IGFL2: variants seen among roughly 807,000 people sequenced by gnomAD.
IGFL2 encodes the protein insulin growth factor-like family member 2.
In IGFL2, 7 loss-of-function variants were observed where a neutral mutation model predicts 13.9. That is an observed-to-expected ratio of 0.51 (90% CI 0.29 to 0.95). IGFL2 has a LOEUF of 0.95. Among genes scored for constraint, IGFL2 ranks in the 40% least tolerant of loss-of-function variants. The pLI is 0.08. For synonymous variants in IGFL2, 55 were observed against 55.8 expected (o/e 0.99, Z 0.07); for missense variants, 138 against 147.8 (o/e 0.93, Z 0.34).
the IGFL2 span, among the ~76,000 whole-genome samples, chr19:46,119,411 C>T: frequency 1.3e-5 from 2 of 152,160 alleles, no homozygotes; most frequent in Non-Finnish European, 2.9e-5. Flanking sequence ...CAGGGATCAT[C>T]GTTCCCACTG....
At chr19:46,141,386 C>G (rs1182562253), upstream of IGFL2, among the ~76,000 whole-genome samples, 1 of 152,130 alleles carries the variant, frequency 6.6e-6, no homozygotes, top group Non-Finnish European at 1.5e-5. Context: ...TGGGAAGACA[C>G]GCCAGGATCA....
chr19:46,115,966 G>C, the IGFL2 span, among the ~76,000 whole-genome samples: 1 of 152,140 alleles, frequency 6.6e-6, no homozygotes, highest in African/African-American at 2.4e-5. Context: ...CCTGTGTGAA[G>C]GGGCTGCCAC....
At chr19:46,099,594 T>C in the IGFL2 span, among the ~76,000 whole-genome samples, 1 of 151,906 alleles carries the variant, frequency 6.6e-6, no homozygotes, top group African/African-American at 2.4e-5. Context: ...AGTGGCACAA[T>C]CTCAGCTCAC....
intron 1 of IGFL2, chr19:46,160,178 G>T: frequency 3.7e-6 from 2 of 538,192 alleles, no homozygotes; most frequent in South Asian, 4.8e-5. Context: ...AATCATAAAC[G>T]AAGATATTCC....
the IGFL2 span, among the ~76,000 whole-genome samples, chr19:46,103,192 G>T: frequency 6.1e-4 from 93 of 152,210 alleles, no homozygotes; most frequent in Non-Finnish European, 1.1e-3. Flanking sequence ...TTTTGATGTT[G>T]TCATATACCA....
At chr19:46,190,736 C>G in the IGFL2 span, among the ~76,000 whole-genome samples, 1 of 152,212 alleles carries the variant, frequency 6.6e-6, no homozygotes, top group South Asian at 2.1e-4. Context: ...TGCATCATTC[C>G]TTCCCCCATG....
chr19:46,137,244 T>A, the IGFL2 span: 1 of 1,425,706 alleles, frequency 7.0e-7, no homozygotes, highest in Non-Finnish European at 9.9e-7. Context: ...GTGAACTGAT[T>A]TGGATCTTTG....
chr19:46,184,283 AT>A, the IGFL2 span, among the ~76,000 whole-genome samples: 12 of 150,090 alleles, frequency 8.0e-5, no homozygotes, highest in Admixed American at 4.6e-4. Context: ...TTCTTTTTTA[AT>A]TATACTTTAA....
the IGFL2 span, among the ~76,000 whole-genome samples, chr19:46,129,305 TTTTGTGTGTGTG>T: frequency 6.2e-5 from 8 of 128,326 alleles, no homozygotes; most frequent in African/African-American, 2.2e-4. Flanking sequence ...TTTGTTGATC[TTTTGTGTGTGTG>T]TGTGTGTGTG....
At chr19:46,148,189 T>C, upstream of IGFL2, 8 of 1,218,106 alleles carry the variant, frequency 6.6e-6, no homozygotes, top group Non-Finnish European at 9.4e-6. Context: ...CCTCCCTAAA[T>C]GTGGATAAGT....
At chr19:46,211,194 A>G in the IGFL2 span, among the ~76,000 whole-genome samples, 1 of 152,156 alleles carries the variant, frequency 6.6e-6, no homozygotes. Flanking sequence ...TATGACATGG[A>G]GGCTCTTAAT....
At chr19:46,168,402 G>A in the IGFL2 span, among the ~76,000 whole-genome samples, 15 of 152,226 alleles carry the variant, frequency 9.9e-5, no homozygotes, top group Non-Finnish European at 1.9e-4. Context: ...TCTAAGGAAT[G>A]AAAATATTTT....
the IGFL2 span, among the ~76,000 whole-genome samples, chr19:46,102,746 G>A: frequency 6.6e-6 from 1 of 152,176 alleles, no homozygotes; most frequent in African/African-American, 2.4e-5. Context: ...TCAGCTGAGA[G>A]ACCTGACATT....
chr19:46,187,019 G>T, the IGFL2 span, among the ~76,000 whole-genome samples: 29 of 152,358 alleles, frequency 1.9e-4, no homozygotes, highest in Non-Finnish European at 4.0e-4. Flanking sequence ...TTAGAAAGGG[G>T]GGTTTCCTAA....
chr19:46,094,338 G>A, the IGFL2 span, among the ~76,000 whole-genome samples: 2 of 151,620 alleles, frequency 1.3e-5, no homozygotes, highest in African/African-American at 4.8e-5. Context: ...TTTTGCAGAG[G>A]GGTTGGTTTT....
chr19:46,085,541 G>C, the IGFL2 span, among the ~76,000 whole-genome samples: 1 of 152,256 alleles, frequency 6.6e-6, no homozygotes, highest in African/African-American at 2.4e-5. Flanking sequence ...TGGGTCTCTT[G>C]AATACAGTAT....
chr19:46,135,457 C>A, the IGFL2 span, among the ~76,000 whole-genome samples: 1 of 152,182 alleles, frequency 6.6e-6, no homozygotes, highest in Non-Finnish European at 1.5e-5. Context: ...AACCCCTGCT[C>A]TGAACCATCC....
chr19:46,181,931 G>A, the IGFL2 span, among the ~76,000 whole-genome samples: 1 of 152,166 alleles, frequency 6.6e-6, no homozygotes, highest in Admixed American at 6.5e-5. Flanking sequence ...TCTCCAGTCA[G>A]ACATCATTTT....
the IGFL2 span, among the ~76,000 whole-genome samples, chr19:46,123,635 A>G: frequency 6.6e-6 from 1 of 150,828 alleles, no homozygotes; most frequent in Non-Finnish European, 1.5e-5. Context: ...GCATTTTTCT[A>G]CCAGCTGAGT....
Sources: allele counts gnomAD v4.1 joint callset (sites outside exome capture counted in the v4.1 genomes callset), GRCh38; gene constraint gnomAD v4.1.1; transcripts MANE v1.5; gene names NCBI Gene and HGNC (gene_info 2026-07-23, HGNC 2026-07-21).